The following SLC1A6 variants were observed in gnomAD, a reference collection of about 807,000 sequenced individuals.
The protein encoded by SLC1A6 is solute carrier family 1 member 6.
Under a neutral mutation model 42.1 loss-of-function variants are expected in SLC1A6, and 15 were observed. The observed-to-expected ratio is 0.36, with a 90% CI of 0.24 to 0.55. SLC1A6 has a LOEUF of 0.55. Among genes scored for constraint, SLC1A6 ranks in the 20% least tolerant of loss-of-function variants. SLC1A6 has a pLI of 0.88. For missense variants in SLC1A6, 542 were observed against 772.5 expected (o/e 0.70, Z 3.54); for synonymous variants, 317 against 319.7 (o/e 0.99, Z 0.09).
Position 14,969,235 on chromosome 19 carries a change from A to G in SLC1A6, c.344-728T>C, listed in dbSNP as rs957014007. On this transcript the variant is annotated intron_variant, in intron 3 of 9. Coordinates refer to ENST00000594383, the MANE Select transcript of SLC1A6 (RefSeq NM_005071.3). ...TCACGGCGCACCCTTTGTGGCACAT[A>G]TTCTTGGTGCTCCACTCCTACACCC... Among the ~76,000 whole-genome samples, 48 of 152,058 alleles carry G rather than the reference A, an allele frequency of 3.2e-4. 2 individuals are homozygous for G.
At chr19:14,970,643 G>C (rs927796542) in intron 3 of SLC1A6, among the ~76,000 whole-genome samples, 4 of 151,866 alleles carry the variant, frequency 2.6e-5, no homozygotes, top group African/African-American at 9.7e-5. Flanking sequence ...CCCAGGAGGC[G>C]GTGCTTGCAG....
chr19:15,008,559 A>G (rs939087204), intron 1 of SLC1A6, among the ~76,000 whole-genome samples: 6 of 152,168 alleles, frequency 3.9e-5, no homozygotes, highest in Non-Finnish European at 7.3e-5. Flanking sequence ...ACTGCTGAGT[A>G]TATACCTAAA....
At position 14,962,229 on chromosome 19, in the gene SLC1A6, G is replaced by C. The variant is rs1286197751; in HGVS notation, c.708C>G (p.Phe236Leu). ...CCAAGGCCCGAGTGACATTTTCCAG[G>C]AAGCTGGTTCCGTTCTCCACTGAGA... ...PPFSVENGTSFLENVTRALGT... is the reference protein window; with the variant it reads ...PPFSVENGTSLLENVTRALGT... The change falls in exon 6 of 10, where the codon TTC (phenylalanine) becomes TTG (leucine). Residue 236 changes from phenylalanine (F) to leucine (L), a missense_variant. Phe to Leu is a conservative substitution (Grantham distance 22). Transcript: ENST00000594383. 1 of 1,614,188 alleles carries C rather than the reference G, an allele frequency of 6.2e-7. No homozygotes were observed. The highest frequency in any genetic ancestry group is 1.6e-4 in the Middle Eastern group (1 of 6,062).
upstream of SLC1A6, among the ~76,000 whole-genome samples, chr19:14,982,262 G>A (rs570902227): frequency 8.1e-4 from 124 of 152,282 alleles, no homozygotes; most frequent in Non-Finnish European, 1.5e-3. Flanking sequence ...GGGCATGGTG[G>A]CACACACCTG....
At chr19:14,950,785 A>C (rs1406963814) in intron 9 of SLC1A6, among the ~76,000 whole-genome samples, 1 of 152,066 alleles carries the variant, frequency 6.6e-6, no homozygotes, top group South Asian at 2.1e-4. Flanking sequence ...TACATAGAAT[A>C]ACTTTAAAAC....
At chr19:14,971,640 A>C in intron 3 of SLC1A6, 97 bp downstream of exon 3, 1 of 1,239,392 alleles carries the variant, frequency 8.1e-7, no homozygotes, top group Non-Finnish European at 1.1e-6. Flanking sequence ...GTGCCGCGTC[A>C]AGGAAGTGGT....
rs1295126005 is a variant in SLC1A6, at chr19:14,979,064, A to T, written c.-8+245T>A. Among the ~76,000 whole-genome samples, 3 of 142,934 alleles carry T rather than the reference A, an allele frequency of 2.1e-5. No homozygotes were observed. Among genetic ancestry groups the T allele is most frequent in the African/African-American group, 5.5e-5 (2 of 36,678 alleles). 93.8% of individuals were successfully genotyped at this position (142,934 alleles called of 152,430 possible). A position where few individuals can be genotyped will look rare whatever the true frequency, so the allele number is the denominator to read the frequency against. The stretch of plus-strand genomic sequence containing the variant: ...CTCTCTCTCTGTCACACACACACAC[A>T]CACACACACACACACACACACACAC... On this transcript the variant is annotated intron_variant, in intron 1 of 9. Transcript: ENST00000594383. This position sits in a 1 kb window ranked among gnomAD's most constrained non-coding sequence, Gnocchi z 4.2.
rs1471191846 is a variant in SLC1A6, at chr19:14,954,461, C to G, written c.1170-132G>C. 5.1e-6 allele frequency: 4 copies of G among 777,434 alleles called. No individual in the cohort carries two copies. The East Asian group carries it at 1.1e-4, about 21-fold the overall frequency. The allele number at this position is 777,434 out of a possible 1,614,324, so 48.2% of individuals were successfully genotyped here. ...AGAAAGGCTGGGGAACAGGGCGTGA[C>G]CTAGTGGGGTACGGCTGAGAATGGG... On this transcript the variant is annotated intron_variant, in intron 7 of 9. Transcript: ENST00000594383.
At chr19:14,983,969 T>A (rs2145226744), upstream of SLC1A6, among the ~76,000 whole-genome samples, 1 of 152,072 alleles carries the variant, frequency 6.6e-6, no homozygotes, top group East Asian at 1.9e-4. Context: ...AATCTTGTAC[T>A]TCCCCCTGGA....
At chr19:14,987,481 T>A (rs11879941) in intron 1 of SLC1A6, among the ~76,000 whole-genome samples, 2,224 of 128,374 alleles carry the variant, frequency 0.017, 49 homozygotes, top group African/African-American at 0.071. Flanking sequence ...AAAAAAAAAT[T>A]TTTTTTAATT....
At chr19:14,955,517 G>T (rs553560957) in intron 7 of SLC1A6, among the ~76,000 whole-genome samples, 1 of 152,224 alleles carries the variant, frequency 6.6e-6, no homozygotes, top group South Asian at 2.1e-4. Context: ...TACTTGGGAG[G>T]CTGAGGTGGG....
chr19:15,001,062 G>C (rs2045869968), intron 1 of SLC1A6, among the ~76,000 whole-genome samples: 1 of 152,322 alleles, frequency 6.6e-6, no homozygotes, highest in East Asian at 1.9e-4. Flanking sequence ...GAAAGTCCTT[G>C]GTTGGTCCAC....
chr19:14,955,155 A>T (rs1301944124), intron 7 of SLC1A6, among the ~76,000 whole-genome samples: 1 of 152,222 alleles, frequency 6.6e-6, no homozygotes, highest in Admixed American at 6.5e-5. Context: ...TCCTGGACTC[A>T]TAAGAGAGTC....
intron 1 of SLC1A6, among the ~76,000 whole-genome samples, chr19:14,992,354 C>G (rs973773709): frequency 1.3e-5 from 2 of 152,170 alleles, no homozygotes; most frequent in Non-Finnish European, 2.9e-5. Flanking sequence ...CCTTGTGAGT[C>G]TCTTGCTCTC....
At chr19:15,009,604 G>T (rs369474011) in intron 1 of SLC1A6, among the ~76,000 whole-genome samples, 4 of 152,048 alleles carry the variant, frequency 2.6e-5, no homozygotes, top group African/African-American at 9.7e-5. Flanking sequence ...GGAGGCTCCC[G>T]TAGGTAGGAG....
At chr19:14,958,242 C>T (rs1463793981) in intron 6 of SLC1A6, among the ~76,000 whole-genome samples, 1 of 151,968 alleles carries the variant, frequency 6.6e-6, no homozygotes, top group Non-Finnish European at 1.5e-5. Context: ...GAAATCCCAT[C>T]TCTATTAAAA....
At position 14,950,199 on chromosome 19, in the gene SLC1A6, A is replaced by T; in HGVS notation, c.1691T>A (p.Met564Lys). Residue 564 changes from methionine to lysine, a missense_variant, in exon 10 of 10, where the codon ATG becomes AAG. Physicochemically the swap from Met to Lys is moderately conservative, Grantham distance 95 (BLOSUM62 -1). Around this residue, in one of 6 missense-constraint regions of SLC1A6, gnomAD observed 73 missense variants for 85.2 expected, o/e 0.86. Transcript: ENST00000594383. ...GGGGGCAGAGCTGGAGGCCCCTCAC[A>T]TAGCACTCTCGTTGCCTCCCCGTCC... ...SRGRGGNESAM is the reference protein window; with the variant it reads ...SRGRGGNESAK 1.9e-6 allele frequency: 3 copies of T among 1,558,836 alleles called. No homozygotes were observed. The South Asian group carries it at 3.6e-5, about 19-fold the overall frequency.
At chr19:14,996,147 T>C (rs1268924896) in intron 1 of SLC1A6, among the ~76,000 whole-genome samples, 1 of 152,218 alleles carries the variant, frequency 6.6e-6, no homozygotes, top group Admixed American at 6.5e-5. Flanking sequence ...GAATCATGCC[T>C]ACCTGCTACA....
At chr19:14,970,890 G>A (rs573959222) in intron 3 of SLC1A6, among the ~76,000 whole-genome samples, 151 of 152,258 alleles carry the variant, frequency 9.9e-4, no homozygotes, top group African/African-American at 3.6e-3. Flanking sequence ...CCAGCACTTT[G>A]GGAGGCCGAG....
Sources: allele counts gnomAD v4.1 joint callset (sites outside exome capture counted in the v4.1 genomes callset), GRCh38; gene constraint gnomAD v4.1.1; regional missense constraint gnomAD v4.1.1; non-coding constraint Gnocchi (gnomAD v3.1); transcripts MANE v1.5; gene names NCBI Gene and HGNC (gene_info 2026-07-23, HGNC 2026-07-21).